ABCA1: variants seen among roughly 807,000 people sequenced by gnomAD.
ABCA1 encodes the protein ATP binding cassette subfamily A member 1.
ABCA1 carries 133 observed loss-of-function variants against 262.5 expected under a neutral mutation model. The observed-to-expected ratio is 0.51, with a 90% CI of 0.44 to 0.59. The LOEUF is 0.59. Ranked by LOEUF, ABCA1 falls within the 20% of genes least tolerant of loss-of-function variation. The pLI is 0.00. For missense variants in ABCA1, 2,452 were observed against 2,777.5 expected, an observed-to-expected ratio of 0.88 and a Z score of 2.63; for synonymous variants, 1,022 against 1,043.5, an observed-to-expected ratio of 0.98 and a Z score of 0.40.
Position 104,817,542 on chromosome 9 carries a change from T to C in ABCA1, c.3463-138A>G. ...AAAGCTTTCCCTGGGACACATGCAC[T>C]GGCAGCCGTGGCTTCAGAGGACCCT... On this transcript the variant is annotated intron_variant, in intron 23 of 49. Transcript: ENST00000374736. The surrounding 1 kb of genome is among the most constrained non-coding windows in gnomAD (Gnocchi z 4.7). 1.1e-6 allele frequency: 1 copy of C among 887,940 alleles called. No homozygotes were observed. Among genetic ancestry groups the C allele is most frequent in the Non-Finnish European group, 1.8e-6 (1 of 553,746 alleles). 55.0% of individuals were successfully genotyped at this position (887,940 alleles called of 1,614,324 possible). A position where few individuals can be genotyped will look rare whatever the true frequency, so the allele number is the denominator to read the frequency against.
chr9:104,923,341 C>T (rs1842251598), intron 1 of ABCA1, among the ~76,000 whole-genome samples: 2 of 152,206 alleles, frequency 1.3e-5, no homozygotes, highest in Admixed American at 1.3e-4. Flanking sequence ...CAGCTATTCG[C>T]AAACATCTGA....
Position 104,822,630 on chromosome 9 carries a change from G to A in ABCA1, c.2694C>T (p.Gly898=), listed in dbSNP as rs199596062. The change falls in exon 19 of 50, where the codon GGC becomes GGT. Residue 898 remains glycine, a synonymous_variant. Coordinates refer to ENST00000374736, the MANE Select transcript of ABCA1 (RefSeq NM_005502.4). Reference sequence around the variant, plus strand: ...CTTTTACCAGGTTCTGAATGGACACGCCCAGCTTCAAGTGGGTGGGTTCCT... The same window carrying A: ...CTTTTACCAGGTTCTGAATGGACACACCCAGCTTCAAGTGGGTGGGTTCCT... The part of the protein sequence containing the change: ...MEEEPTHLKL[G]VSIQNLVKVY... 6.8e-6 allele frequency: 11 copies of A among 1,613,942 alleles called. No individual in the cohort carries two copies. Among genetic ancestry groups the A allele is most frequent in the Middle Eastern group, 1.6e-4 (1 of 6,078 alleles).
chr9:104,865,584 T>G (rs1837022906), intron 5 of ABCA1, among the ~76,000 whole-genome samples: 1 of 151,158 alleles, frequency 6.6e-6, no homozygotes, highest in African/African-American at 2.4e-5. Flanking sequence ...GAAACAATGA[T>G]GTGGGGGAAA....
chr9:104,829,284 A>G (rs990649290), intron 14 of ABCA1, 146 bp from the exon 15 acceptor site: 3 of 776,306 alleles, frequency 3.9e-6, no homozygotes, highest in African/African-American at 1.7e-5. Context: ...AAATGTACGT[A>G]TGATCCAATG....
chr9:104,922,108 T>A (rs997601440), intron 1 of ABCA1, among the ~76,000 whole-genome samples: 1 of 152,206 alleles, frequency 6.6e-6, no homozygotes, highest in African/African-American at 2.4e-5. Flanking sequence ...TTATTTTGTT[T>A]TAGGAACCAA....
rs1832653609 is a variant in ABCA1 at position 104,824,506 on chromosome 9, T to G, written c.2615A>C (p.Glu872Ala). ...CTGGTTGGAACCAGGGTGGCTCTTCTCATCACTTTCCTCGCCAAACCAGTA... is the reference window on the plus strand; with the variant it reads ...CTGGTTGGAACCAGGGTGGCTCTTCGCATCACTTTCCTCGCCAAACCAGTA... ...KSYWFGEESD[E>A]KSHPGSNQKR... is the part of the protein sequence containing the mutation. Residue 872 changes from glutamate to alanine, a missense_variant, in exon 18 of 50, where the codon GAG (glutamate) becomes GCG (alanine). Glu to Ala is a moderately radical substitution (Grantham distance 107). Around this residue, in one of 4 missense-constraint regions of ABCA1, gnomAD observed 1,032 missense variants for 1,089.7 expected, o/e 0.95. Transcript: ENST00000374736. 6.2e-7 allele frequency: 1 copy of G among 1,614,040 alleles called. No homozygotes were observed. The highest frequency in any genetic ancestry group is 1.3e-5 in the African/African-American group (1 of 74,920).
At chr9:104,866,375 T>C (rs1837086465) in intron 5 of ABCA1, among the ~76,000 whole-genome samples, 1 of 151,944 alleles carries the variant, frequency 6.6e-6, no homozygotes. Flanking sequence ...AAACATACCT[T>C]CTCCTCTTAC....
chr9:104,927,409 G>C (rs1359793607), intron 1 of ABCA1: 3 of 152,310 alleles, frequency 2.0e-5, no homozygotes, highest in African/African-American at 7.2e-5. Context: ...TCACAGTCCG[G>C]GACTGTGCCG....
Position 104,831,830 on chromosome 9 carries a change from G to A in ABCA1, c.1510-3C>T. 1 of 1,614,118 alleles carries A rather than the reference G, an allele frequency of 6.2e-7. No homozygotes were observed. The highest frequency in any genetic ancestry group is 8.5e-7 in the Non-Finnish European group (1 of 1,179,976). On this transcript the variant is annotated splice_polypyrimidine_tract_variant and splice_region_variant and intron_variant, in intron 12 of 49. Coordinates refer to ENST00000374736, the MANE Select transcript of ABCA1 (RefSeq NM_005502.4). ...TCTAGCTTGTTCAGGTTGACACACT[G>A]ATAGAAGAACAGCCTTCATGAGAAC...
chr9:104,791,905 G>A, intron 43 of ABCA1, 31 bp downstream of exon 43: 3 of 1,606,756 alleles, frequency 1.9e-6, no homozygotes, highest in Admixed American at 1.7e-5. Flanking sequence ...AACTAATAGG[G>A]ACAAACGCAA....
intron 48 of ABCA1, 121 bp downstream of exon 48, chr9:104,786,177 A>G: frequency 1.2e-6 from 1 of 838,542 alleles, no homozygotes; most frequent in Non-Finnish European, 2.0e-6. Context: ...CATTCTTTCC[A>G]CTATACTGTT....
intron 34 of ABCA1, 109 bp from the exon 35 acceptor site, chr9:104,800,693 C>T: frequency 1.1e-6 from 1 of 921,422 alleles, no homozygotes; most frequent in Non-Finnish European, 1.8e-6. Flanking sequence ...AGCAATGCCA[C>T]TACCTTGTTC....
intron 35 of ABCA1, 24 bp downstream of exon 35, chr9:104,800,486 A>G (rs771153446): frequency 2.5e-6 from 4 of 1,597,482 alleles, no homozygotes; most frequent in Non-Finnish European, 3.4e-6. Context: ...TCAAAAAGCT[A>G]CTAGAACAAA....
In ABCA1 at chr9:104,784,591, C is replaced by T. The variant is rs1011581598; in HGVS notation, c.6646-136G>A. On this transcript the variant is annotated intron_variant, in intron 49 of 49. Coordinates refer to ENST00000374736, the MANE Select transcript of ABCA1 (RefSeq NM_005502.4). ...TTACATAAATGGATTAACTAGAAAACTGTGTGTGAAGGAGGGAAGAATACT... is the reference window on the plus strand; with the variant it reads ...TTACATAAATGGATTAACTAGAAAATTGTGTGTGAAGGAGGGAAGAATACT... 5 of 1,065,232 alleles carry T rather than the reference C, an allele frequency of 4.7e-6. No homozygotes were observed. The African/African-American group carries it at 6.4e-5, about 14-fold the overall frequency. 66.0% of individuals were successfully genotyped at this position (1,065,232 alleles called of 1,614,324 possible). A position where few individuals can be genotyped will look rare whatever the true frequency, so the allele number is the denominator to read the frequency against.
intron 7 of ABCA1, 73 bp downstream of exon 7, chr9:104,858,449 G>C: frequency 2.7e-6 from 4 of 1,478,938 alleles, no homozygotes; most frequent in Non-Finnish European, 3.8e-6. Flanking sequence ...ACAAAGTCAT[G>C]CTGTCCAAGG....
At chr9:104,906,772 A>T (rs1841177660) in intron 1 of ABCA1, among the ~76,000 whole-genome samples, 1 of 151,090 alleles carries the variant, frequency 6.6e-6, no homozygotes, top group African/African-American at 2.4e-5. Context: ...AAAAAAAGAT[A>T]TAAAAGAGAC....
chr9:104,846,323 G>A lies in ABCA1; in HGVS notation c.721-754C>T, dbSNP rs1373947036. Among the ~76,000 whole-genome samples the A allele has an allele frequency of 9.2e-5, 14 of 152,214 alleles. No individual in the cohort carries two copies. The South Asian group carries it at 2.3e-3, about 25-fold the overall frequency. On this transcript the variant is annotated intron_variant, in intron 7 of 49. Transcript: ENST00000374736. ...TTCAGGCTTCCAAAGAGAAAAAGAC[G>A]TGAGATCAGTTTCTTCACTGTTATT... is the stretch of plus-strand genomic sequence containing the variant.
At chr9:104,845,666 A>T in intron 7 of ABCA1, 97 bp from the exon 8 acceptor site, 2 of 862,796 alleles carry the variant, frequency 2.3e-6, no homozygotes, top group Non-Finnish European at 3.8e-6. Context: ...CACAATCTTG[A>T]GTTTAACAAA....
At chr9:104,801,976 G>A (rs969662096) in intron 34 of ABCA1, 78 bp downstream of exon 34, 12 of 1,353,122 alleles carry the variant, frequency 8.9e-6, no homozygotes, top group Admixed American at 3.4e-5. Flanking sequence ...CAGGTGATCC[G>A]TTTAACCTGC....
Sources: gnomAD v4.1 joint callset for allele counts (sites outside exome capture counted in the v4.1 genomes callset) on GRCh38, gnomAD v4.1.1 for gene constraint, gnomAD v4.1.1 regional missense constraint, Gnocchi (gnomAD v3.1) non-coding constraint, MANE v1.5 for transcripts, NCBI Gene and HGNC (gene_info 2026-07-23, HGNC 2026-07-21) for gene names.